Variants in ZNF280C observed in about 807,000 individuals in gnomAD.
The protein encoded by ZNF280C is zinc finger protein 280C, also known as suppressor of hairy wing homolog 3.
ZNF280C carries 14 observed loss-of-function variants against 53.6 expected under a neutral mutation model. That is an observed-to-expected ratio of 0.26 (90% confidence interval 0.17 to 0.41). The LOEUF (loss-of-function observed/expected upper bound fraction) is 0.41, where lower values mean the gene tolerates loss of function less well. ZNF280C is among the 10% of genes least tolerant of loss of function. The pLI, the probability that ZNF280C is intolerant of heterozygous loss-of-function variation, is 1.00. For synonymous variants in ZNF280C, 203 were observed against 181.1 expected (o/e 1.12, Z -0.97); for missense variants, 416 against 547.1 (o/e 0.76, Z 2.39).
intron 12 of ZNF280C, among the ~76,000 whole-genome samples, chrX:130,221,727 A>G (rs2032166078): frequency 8.9e-6 from 1 of 111,751 alleles, no homozygotes; most frequent in Admixed American, 9.5e-5. Flanking sequence ...ATCACCTCCA[A>G]TCACTGCTAC....
At chrX:130,221,168 G>C (rs185484815) in intron 12 of ZNF280C, among the ~76,000 whole-genome samples, 89 of 111,412 alleles carry the variant, frequency 8.0e-4, no homozygotes, top group Non-Finnish European at 1.0e-3. Context: ...TAAGGTGTTT[G>C]CATTACTATT....
intron 13 of ZNF280C, among the ~76,000 whole-genome samples, chrX:130,218,430 T>C (rs1427733206): frequency 2.7e-5 from 3 of 111,921 alleles, no homozygotes; most frequent in Non-Finnish European, 5.6e-5. Flanking sequence ...TGGTAACATA[T>C]AAAATTTATC....
chrX:130,220,948 T>G (rs1265368842), intron 12 of ZNF280C, among the ~76,000 whole-genome samples: 1 of 110,735 alleles, frequency 9.0e-6, no homozygotes, highest in Non-Finnish European at 1.9e-5. Flanking sequence ...ATTTTATATT[T>G]ATTATAAATT....
intron 6 of ZNF280C, among the ~76,000 whole-genome samples, chrX:130,238,047 T>C (rs1160456524): frequency 9.0e-6 from 1 of 111,409 alleles, no homozygotes; most frequent in Non-Finnish European, 1.9e-5. Context: ...GCTTGCGGTG[T>C]TCCCTACCTC....
chrX:130,266,894 C>A (rs1275363878), intron 1 of ZNF280C, among the ~76,000 whole-genome samples: 2 of 111,074 alleles, frequency 1.8e-5, no homozygotes, highest in South Asian at 3.8e-4. Context: ...CGAGGTCAGG[C>A]GTTCCAGACC....
chrX:130,227,149 C>T (rs1027208068), intron 11 of ZNF280C, among the ~76,000 whole-genome samples: 6 of 111,405 alleles, frequency 5.4e-5, no homozygotes, highest in African/African-American at 1.6e-4. Context: ...AAATCTACCA[C>T]CCCCTATCTT....
chrX:130,252,718 C>CAAA (rs57006868), intron 2 of ZNF280C, among the ~76,000 whole-genome samples: 139 of 95,711 alleles, frequency 1.5e-3, no homozygotes, highest in African/African-American at 5.0e-3. Context: ...GACTCCGTCT[C>CAAA]AAAAAAAAAA....
intron 17 of ZNF280C, 62 bp downstream of exon 17, chrX:130,205,235 T>C (rs1321070199): frequency 1.8e-6 from 2 of 1,106,909 alleles, no homozygotes; most frequent in Non-Finnish European, 2.5e-6. Context: ...CCATATGGTG[T>C]CCGATCAAAA....
chrX:130,233,356 C>T (rs1025857576), intron 8 of ZNF280C, among the ~76,000 whole-genome samples: 2 of 111,684 alleles, frequency 1.8e-5, no homozygotes, highest in Non-Finnish European at 3.8e-5. Flanking sequence ...GTGGCTCACG[C>T]CTGTAATCCC....
Position 130,202,950 on chromosome X carries a change from A to G in ZNF280C, c.*2027T>C, listed in dbSNP as rs1028534670. On this transcript the variant is annotated 3_prime_UTR_variant, in exon 19 of 19. Coordinates refer to ENST00000370978, the MANE Select transcript of ZNF280C (RefSeq NM_017666.5). ...AGAGGAATTACATTAATGGCTAAGA[A>G]GGTATTATGTATTAGATGTATAGAA... is the stretch of plus-strand genomic sequence containing the variant. 8.9e-6 allele frequency: 1 copy of G among 111,898 alleles called. No homozygotes were observed. Among genetic ancestry groups the G allele is most frequent in the Non-Finnish European group, 1.9e-5 (1 of 53,244 alleles). 9.2% of individuals were successfully genotyped at this position (111,898 alleles called of 1,213,427 possible). A position where few individuals can be genotyped will look rare whatever the true frequency, so the allele number is the denominator to read the frequency against.
In ZNF280C at chrX:130,215,772, C is replaced by T. The variant is rs1490596733; in HGVS notation, c.1838+19G>A. ...ATAAGATTAAATTTGTATTGTATAT[C>T]AGGAATAAAAGATATTACCTTATGT... On this transcript the variant is annotated intron_variant, in intron 14 of 18. Transcript: ENST00000370978. 1 of 1,158,044 alleles carries T rather than the reference C, an allele frequency of 8.6e-7. No individual in the cohort carries two copies.
chrX:130,260,491 C>A, intron 1 of ZNF280C, 26 bp from the exon 2 acceptor site: 1 of 1,121,557 alleles, frequency 8.9e-7, no homozygotes, highest in Non-Finnish European at 1.2e-6. Context: ...TGACATCAAT[C>A]AATGTTATGA....
chrX:130,266,176 T>C (rs1035918737), intron 1 of ZNF280C, among the ~76,000 whole-genome samples: 8 of 112,484 alleles, frequency 7.1e-5, no homozygotes, highest in African/African-American at 1.9e-4. Context: ...AAAAGTAATA[T>C]TGATTTACAT....
intron 13 of ZNF280C, among the ~76,000 whole-genome samples, chrX:130,219,019 T>C (rs2032133735): frequency 8.9e-6 from 1 of 112,054 alleles, no homozygotes; most frequent in Non-Finnish European, 1.9e-5. Flanking sequence ...AGATGGTTTA[T>C]CTTATGCTAG....
At chrX:130,249,310 G>C (rs994969793) in intron 2 of ZNF280C, among the ~76,000 whole-genome samples, 1 of 112,014 alleles carries the variant, frequency 8.9e-6, no homozygotes, top group Non-Finnish European at 1.9e-5. Flanking sequence ...TGCAGCAGCT[G>C]ATGAGTGTGC....
intron 2 of ZNF280C, among the ~76,000 whole-genome samples, chrX:130,259,759 G>A (rs1350078740): frequency 9.9e-5 from 11 of 111,477 alleles, no homozygotes; most frequent in Admixed American, 7.6e-4. Flanking sequence ...TTGGGAGGCC[G>A]ATGTGGGTGG....
At chrX:130,236,696 G>A in intron 6 of ZNF280C, 57 bp from the exon 7 acceptor site, 1 of 865,429 alleles carries the variant, frequency 1.2e-6, no homozygotes, top group African/African-American at 2.0e-5. Context: ...ATGGAATATT[G>A]CTTATGTAAA....
chrX:130,226,641 C>T, intron 12 of ZNF280C, 118 bp downstream of exon 12: 1 of 753,134 alleles, frequency 1.3e-6, no homozygotes, highest in South Asian at 5.3e-5. Context: ...CTGTCCAGAA[C>T]AAATCTAACC....
chrX:130,219,471 A>T (rs2032138745), intron 13 of ZNF280C, among the ~76,000 whole-genome samples: 1 of 79,340 alleles, frequency 1.3e-5, no homozygotes, highest in African/African-American at 4.9e-5. Context: ...TGAGGGATAG[A>T]GTGAGACTCT....
Sources: gnomAD v4.1 joint callset for allele counts (sites outside exome capture counted in the v4.1 genomes callset) on GRCh38, gnomAD v4.1.1 for gene constraint, MANE v1.5 for transcripts, NCBI Gene and HGNC (gene_info 2026-07-23, HGNC 2026-07-21) for gene names.